TENM4: variants seen among roughly 807,000 people sequenced by gnomAD.
TENM4 encodes the protein teneurin transmembrane protein 4.
TENM4 carries 82 observed loss-of-function variants against 243.3 expected under a neutral mutation model. The observed-to-expected ratio is 0.34, with a 90% confidence interval of 0.28 to 0.40. TENM4 has a LOEUF of 0.40. Among genes scored for constraint, TENM4 ranks in the 10% least tolerant of loss-of-function variants. TENM4 has a pLI of 1.00. For synonymous variants in TENM4, 1,412 were observed against 1,456.3 expected, an observed-to-expected ratio of 0.97 and a Z score of 0.69; for missense variants, 3,138 against 3,673.3, an observed-to-expected ratio of 0.85 and a Z score of 3.77.
chr11:79,314,462 G>A (rs955741675), intron 1 of TENM4, among the ~76,000 whole-genome samples: 1 of 152,210 alleles, frequency 6.6e-6, no homozygotes. Flanking sequence ...CGGGAAGCCT[G>A]GTGGTGCCAG....
chr11:78,757,871 CAG>C (rs1178872939), intron 18 of TENM4, among the ~76,000 whole-genome samples: 4 of 152,154 alleles, frequency 2.6e-5, no homozygotes, highest in Non-Finnish European at 4.4e-5. Flanking sequence ...AGATCCCTGA[CAG>C]AGTTTCCATT....
At chr11:79,365,482 G>A (rs1857661087) in intron 1 of TENM4, among the ~76,000 whole-genome samples, 1 of 152,170 alleles carries the variant, frequency 6.6e-6, no homozygotes, top group Non-Finnish European at 1.5e-5. Flanking sequence ...ACCAGAGACA[G>A]AAGGCAAATA....
chr11:78,731,477 C>T (rs1014584662), intron 21 of TENM4, among the ~76,000 whole-genome samples: 21 of 152,216 alleles, frequency 1.4e-4, no homozygotes, highest in Admixed American at 1.2e-3. Flanking sequence ...TATAAAATCC[C>T]TGCTCCACCA....
chr11:78,750,530 T>C lies in TENM4; in HGVS notation c.2756+6275A>G, dbSNP rs1022295772. Among the ~76,000 whole-genome samples, 4 of 152,236 alleles carry C rather than the reference T, an allele frequency of 2.6e-5. No individual in the cohort carries two copies. In the East Asian group the frequency reaches 7.7e-4, roughly 29 times the overall value. ...TACTCTAAGCCCGCCCTGTGTTACATGCTGGAGAAGCAAAGCTGTAGGAGA... is the reference window on the plus strand; with the variant it reads ...TACTCTAAGCCCGCCCTGTGTTACACGCTGGAGAAGCAAAGCTGTAGGAGA... On this transcript the variant is annotated intron_variant, in intron 19 of 33. Coordinates refer to ENST00000278550, the MANE Select transcript of TENM4 (RefSeq NM_001098816.3).
chr11:79,194,213 G>A (rs1448200450), intron 3 of TENM4, among the ~76,000 whole-genome samples: 1 of 151,946 alleles, frequency 6.6e-6, no homozygotes, highest in African/African-American at 2.4e-5. Context: ...ATGTGGAACT[G>A]TAAGTCCAAT....
At chr11:78,837,405 T>C (rs985961155) in intron 12 of TENM4, among the ~76,000 whole-genome samples, 14 of 152,212 alleles carry the variant, frequency 9.2e-5, no homozygotes, top group African/African-American at 3.4e-4. Flanking sequence ...AACCTCTTTT[T>C]CTTTATAAAT....
intron 6 of TENM4, among the ~76,000 whole-genome samples, chr11:78,949,192 G>A (rs926330825): frequency 5.3e-5 from 8 of 152,206 alleles, no homozygotes; most frequent in African/African-American, 9.6e-5. Flanking sequence ...TACCAAAGTC[G>A]CCAGTGGTCA....
chr11:79,008,339 C>T (rs1163998562), intron 6 of TENM4, among the ~76,000 whole-genome samples: 2 of 152,152 alleles, frequency 1.3e-5, no homozygotes, highest in African/African-American at 2.4e-5. Context: ...GGGTCCTACT[C>T]GTTCTGGCTG....
intron 6 of TENM4, among the ~76,000 whole-genome samples, chr11:78,922,143 G>A (rs557669494): frequency 5.9e-5 from 9 of 152,270 alleles, no homozygotes; most frequent in African/African-American, 2.2e-4. Flanking sequence ...TGCAGCAGGC[G>A]CTCTGCAGAA....
chr11:79,334,310 C>A (rs924044040), intron 1 of TENM4, among the ~76,000 whole-genome samples: 16 of 152,274 alleles, frequency 1.1e-4, no homozygotes, highest in Middle Eastern at 3.4e-3. Flanking sequence ...AATGTGATCA[C>A]CCTGGATTGA....
chr11:78,945,727 C>T (rs1247360364), intron 6 of TENM4, among the ~76,000 whole-genome samples: 1 of 152,164 alleles, frequency 6.6e-6, no homozygotes, highest in African/African-American at 2.4e-5. Context: ...CCATTGAACA[C>T]ACAAATGATA....
chr11:78,939,574 G>C (rs906713766), intron 6 of TENM4, among the ~76,000 whole-genome samples: 1 of 152,094 alleles, frequency 6.6e-6, no homozygotes, highest in Non-Finnish European at 1.5e-5. Context: ...CCAATTCTTC[G>C]CTGCAGCCTT....
rs377458835 is a variant in TENM4 at position 78,733,724 on chromosome 11, T to G, written c.2877-1147A>C. On this transcript the variant is annotated intron_variant, in intron 20 of 33. Transcript: ENST00000278550. ...CTGCCCAGCCCCACATGGAACCTGA[T>G]TTGAGGGTTCTGCAGCCACATGTTT... 8.5e-5 allele frequency among the ~76,000 whole-genome samples: 13 copies of G among 152,270 alleles called. No homozygotes were observed. In the East Asian group the frequency reaches 1.5e-3, roughly 18 times the overall value.
chr11:79,419,588 G>A (rs931832800), intron 1 of TENM4, among the ~76,000 whole-genome samples: 1 of 152,186 alleles, frequency 6.6e-6, no homozygotes, highest in Non-Finnish European at 1.5e-5. Context: ...TACTTTGTAT[G>A]GGCTCAAATC....
At chr11:79,285,779 C>G (rs1209530003) in intron 2 of TENM4, among the ~76,000 whole-genome samples, 2 of 151,558 alleles carry the variant, frequency 1.3e-5, no homozygotes, top group South Asian at 4.2e-4. Context: ...GACACAAAGG[C>G]AACATCTTGT....
chr11:79,301,948 T>C lies in TENM4; in HGVS notation c.-320-4405A>G, dbSNP rs559803033. On this transcript the variant is annotated intron_variant, in intron 1 of 33. Coordinates refer to ENST00000278550, the MANE Select transcript of TENM4 (RefSeq NM_001098816.3). ...CTGCAGAATGTGAGTCAATTAAACC[T>C]CTTTTCTTTATAAATTACGCAGTCT... Among the ~76,000 whole-genome samples the C allele has an allele frequency of 3.3e-4, 51 of 152,298 alleles. No homozygotes were observed. In the South Asian group the frequency reaches 9.7e-3, roughly 29 times the overall value.
intron 1 of TENM4, among the ~76,000 whole-genome samples, chr11:79,387,262 AGAGACTGGGAGGGGGGATCACATTC>A (rs1479369467): frequency 6.6e-6 from 1 of 152,244 alleles, no homozygotes; most frequent in African/African-American, 2.4e-5. Flanking sequence ...GGGGAAAGAT[AGAGACTGGGAGGGGGGATCACATTC>A]TATTTCATGT....
intron 1 of TENM4, among the ~76,000 whole-genome samples, chr11:79,419,193 C>T (rs992187837): frequency 6.6e-6 from 1 of 152,186 alleles, no homozygotes; most frequent in Non-Finnish European, 1.5e-5. Flanking sequence ...TTTTCAAAAA[C>T]ACATGGAAGG....
intron 2 of TENM4, among the ~76,000 whole-genome samples, chr11:79,282,467 C>G (rs1158078378): frequency 1.3e-5 from 2 of 152,228 alleles, no homozygotes; most frequent in Non-Finnish European, 2.9e-5. Context: ...GGACTCACAT[C>G]ATTATCTTTA....
Sources: gnomAD v4.1 joint callset for allele counts (sites outside exome capture counted in the v4.1 genomes callset) on GRCh38, gnomAD v4.1.1 for gene constraint, MANE v1.5 for transcripts, NCBI Gene and HGNC (gene_info 2026-07-23, HGNC 2026-07-21) for gene names.